The following ANAPC7 variants were observed in gnomAD, a reference collection of about 807,000 sequenced individuals.
ANAPC7 encodes anaphase promoting complex subunit 7.
A neutral mutation model predicts 63.3 loss-of-function variants in ANAPC7; 25 were observed. The ratio of observed to expected loss-of-function variants is 0.39; its 90% CI spans 0.29 to 0.55. ANAPC7 has a LOEUF of 0.55. Among genes scored for constraint, ANAPC7 ranks in the 20% least tolerant of loss-of-function variants. ANAPC7 has a pLI of 0.57. For missense variants in ANAPC7, 516 were observed against 691.7 expected (o/e 0.75, Z 2.85); for synonymous variants, 241 against 251.7 (o/e 0.96, Z 0.40).
intron 7 of ANAPC7, among the ~76,000 whole-genome samples, chr12:110,382,542 T>C (rs1882038117): frequency 2.1e-5 from 3 of 143,680 alleles, no homozygotes; most frequent in South Asian, 4.4e-4. Flanking sequence ...GTCTCAAATT[T>C]CTGGCCTCAA....
intron 3 of ANAPC7, among the ~76,000 whole-genome samples, chr12:110,392,434 CACTA>C (rs1053640329): frequency 6.6e-6 from 1 of 152,170 alleles, no homozygotes. Flanking sequence ...GATGAAGCAG[CACTA>C]ACTAAAATAC....
intron 9 of ANAPC7, 89 bp downstream of exon 9, chr12:110,377,304 T>C (rs983290418): frequency 4.3e-6 from 5 of 1,152,188 alleles, no homozygotes; most frequent in African/African-American, 3.1e-5. Flanking sequence ...TGTCTAGTCA[T>C]CTGTAACTAG....
At chr12:110,375,255 A>T (rs374985758) in intron 10 of ANAPC7, among the ~76,000 whole-genome samples, 2 of 152,078 alleles carry the variant, frequency 1.3e-5, no homozygotes, top group Admixed American at 6.6e-5. Context: ...CCTTCTACAG[A>T]CTACTATGAA....
At chr12:110,388,044 T>A (rs866845097) in intron 4 of ANAPC7, 152 bp from the exon 5 acceptor site, 8 of 872,598 alleles carry the variant, frequency 9.2e-6, no homozygotes, top group Middle Eastern at 2.8e-4. Context: ...TTAGTATTTC[T>A]TTTCTTTTTG....
In ANAPC7 at chr12:110,389,886, C is replaced by G. The variant is rs573533738; in HGVS notation, c.409-1263G>C. ...GGCAGAGCTTGCAGTGAGCCGAGAT[C>G]GTGCCACTGCACTCCAGACTGGGAG... On this transcript the variant is annotated intron_variant, in intron 3 of 10. Coordinates refer to ENST00000455511, the MANE Select transcript of ANAPC7 (RefSeq NM_016238.3). 2.0e-5 allele frequency among the ~76,000 whole-genome samples: 3 copies of G among 151,398 alleles called. No individual in the cohort carries two copies. The East Asian group carries it at 5.9e-4, about 30-fold the overall frequency.
rs149058367 is a variant in ANAPC7 at position 110,389,489 on chromosome 12, T to C, written c.409-866A>G. On this transcript the variant is annotated intron_variant, in intron 3 of 10. Transcript: ENST00000455511. The stretch of plus-strand genomic sequence containing the variant: ...ACTTAAGGCTTTGGCCCGTAGGTAC[T>C]AACTCACTAAAGTAATGCTACAAAA... Among the ~76,000 whole-genome samples the C allele has an allele frequency of 3.5e-3, 528 of 152,348 alleles. 2 individuals carry two copies. The highest frequency in any genetic ancestry group is 0.012 in the African/African-American group (496 of 41,586).
chr12:110,385,820 A>C (rs1272887038), intron 6 of ANAPC7, among the ~76,000 whole-genome samples: 4 of 152,124 alleles, frequency 2.6e-5, no homozygotes, highest in Non-Finnish European at 5.9e-5. Flanking sequence ...CCAGTGTCCT[A>C]ACTGCCATCT....
intron 3 of ANAPC7, among the ~76,000 whole-genome samples, chr12:110,389,859 A>C (rs1566271849): frequency 6.6e-6 from 1 of 151,586 alleles, no homozygotes; most frequent in African/African-American, 2.4e-5. Context: ...GTGAACCCGG[A>C]AGGCAGAGCT....
chr12:110,399,821 C>T (rs377751164), intron 1 of ANAPC7, among the ~76,000 whole-genome samples: 7 of 147,366 alleles, frequency 4.8e-5, no homozygotes, highest in East Asian at 2.0e-4. Context: ...AGGGGCCAGG[C>T]GCGGTGGCTC....
In ANAPC7 at chr12:110,402,332, AT is replaced by A. The variant is rs758118135; in HGVS notation, c.101+1194del. The stretch of plus-strand genomic sequence containing the variant: ...AGAATTTTCATAAGTGCAATAAAGG[AT>A]TTTTTTTTTTTTTTGAGACGGAGTC... On this transcript the variant is annotated intron_variant, in intron 1 of 10. Transcript: ENST00000455511. Among the ~76,000 whole-genome samples, 402 of 144,090 alleles carry A rather than the reference AT, an allele frequency of 2.8e-3. 1 individual carries two copies. The highest frequency in any genetic ancestry group is 7.4e-3 in the Middle Eastern group (2 of 272). The allele number at this position is 144,090 out of a possible 152,430, so 94.5% of individuals were successfully genotyped here. A position where few individuals can be genotyped will look rare whatever the true frequency, so the allele number is the denominator to read the frequency against.
intron 1 of ANAPC7, among the ~76,000 whole-genome samples, chr12:110,400,286 CTG>C (rs1421271613): frequency 6.6e-6 from 1 of 152,170 alleles, no homozygotes; most frequent in Non-Finnish European, 1.5e-5. Flanking sequence ...TAAGTTATCT[CTG>C]TAATGACACA....
At chr12:110,382,609 C>T (rs901166436) in intron 7 of ANAPC7, among the ~76,000 whole-genome samples, 1 of 150,774 alleles carries the variant, frequency 6.6e-6, no homozygotes, top group Non-Finnish European at 1.5e-5. Flanking sequence ...CTCACTCTGC[C>T]GCCCACCTGG....
chr12:110,403,550 T>C lies in ANAPC7; in HGVS notation c.78A>G (p.Leu26=), dbSNP rs747628664. ...ACGGGTTGTTATTACTCATTGTAAG[T>C]AACAAGCTGCTGAGGAGCCGCACGT... ...HSNVRLLSSL[L]LTMSNNNPEL... is the part of the protein sequence containing the mutation. The change falls in exon 1 of 11, where the codon TTA becomes TTG. Residue 26 remains leucine, a synonymous_variant. Coordinates refer to ENST00000455511, the MANE Select transcript of ANAPC7 (RefSeq NM_016238.3). The C allele has an allele frequency of 3.7e-6, 6 of 1,606,008 alleles. No homozygotes were observed. In the Admixed American group the frequency reaches 1.0e-4, roughly 27 times the overall value.
chr12:110,387,646 G>T, intron 5 of ANAPC7, 93 bp downstream of exon 5: 2 of 1,433,614 alleles, frequency 1.4e-6, no homozygotes, highest in Non-Finnish European at 1.9e-6. Context: ...CAACAGCAAA[G>T]CATCTCATTT....
chr12:110,398,806 G>A (rs376051317), intron 1 of ANAPC7, among the ~76,000 whole-genome samples: 1 of 151,924 alleles, frequency 6.6e-6, no homozygotes, highest in South Asian at 2.1e-4. Context: ...TTAGCCTGGC[G>A]TGGTGGCACA....
At chr12:110,374,912 A>G (rs1373059298) in intron 10 of ANAPC7, among the ~76,000 whole-genome samples, 1 of 151,940 alleles carries the variant, frequency 6.6e-6, no homozygotes, top group African/African-American at 2.4e-5. Context: ...GTCAGTACAT[A>G]CGCCACCCCC....
At chr12:110,393,866 TCAAAAAA>T (rs1883318968) in intron 3 of ANAPC7, among the ~76,000 whole-genome samples, 1 of 45,596 alleles carries the variant, frequency 2.2e-5, no homozygotes, top group South Asian at 6.3e-4. Flanking sequence ...AAACTCCCTC[TCAAAAAA>T]AAAAAAAAAA....
Position 110,381,765 on chromosome 12 carries a change from T to C in ANAPC7, c.1119A>G (p.Leu373=). Residue 373 remains leucine, a synonymous_variant, in exon 8 of 11, where the codon TTA becomes TTG. Coordinates refer to ENST00000455511, the MANE Select transcript of ANAPC7 (RefSeq NM_016238.3). ...REAIRLAPCR[L]DCYEGLIECY... ...TTTCTTTCTTACCTTCATAACAATCTAAGCGACAAGGTGCGAGCCGTATGG... is the reference window on the plus strand; with the variant it reads ...TTTCTTTCTTACCTTCATAACAATCCAAGCGACAAGGTGCGAGCCGTATGG... 2 of 1,613,396 alleles carry C rather than the reference T, an allele frequency of 1.2e-6. No individual in the cohort carries two copies. Among genetic ancestry groups the C allele is most frequent in the Non-Finnish European group, 1.7e-6 (2 of 1,179,962 alleles).
rs183169973 is a variant in ANAPC7 at position 110,383,709 on chromosome 12, C to G, written c.818-749G>C. ...TAGGCTAACAGGTGAAACCCCATCTCTACTAAAAATACAAAAATTAGCTGG... is the reference window on the plus strand; with the variant it reads ...TAGGCTAACAGGTGAAACCCCATCTGTACTAAAAATACAAAAATTAGCTGG... On this transcript the variant is annotated intron_variant, in intron 6 of 10. Coordinates refer to ENST00000455511, the MANE Select transcript of ANAPC7 (RefSeq NM_016238.3). Among the ~76,000 whole-genome samples, 376 of 150,572 alleles carry G rather than the reference C, an allele frequency of 2.5e-3. 1 individual carries two copies. The highest frequency in any genetic ancestry group is 8.8e-3 in the African/African-American group (359 of 40,932).
Sources: gnomAD v4.1 joint callset for allele counts (sites outside exome capture counted in the v4.1 genomes callset) on GRCh38, gnomAD v4.1.1 for gene constraint, MANE v1.5 for transcripts, NCBI Gene and HGNC (gene_info 2026-07-23, HGNC 2026-07-21) for gene names.